The following ERBB4 variants were observed in gnomAD, a reference collection of about 807,000 sequenced individuals.
The protein encoded by ERBB4 is erb-b2 receptor tyrosine kinase 4.
Under a neutral mutation model 158.0 loss-of-function variants are expected in ERBB4, and 42 were observed. That is an observed-to-expected ratio of 0.27 (90% CI 0.21 to 0.34). The LOEUF is 0.34. Ranked by LOEUF, ERBB4 falls within the 10% of genes least tolerant of loss-of-function variation. The probability of loss-of-function intolerance (pLI) is 1.00; values close to 1 mark genes in which losing one functional copy is unlikely to be tolerated. For synonymous variants in ERBB4, 583 were observed against 558.7 expected, an observed-to-expected ratio of 1.04 and a Z score of -0.61; for missense variants, 1,333 against 1,624.1, an observed-to-expected ratio of 0.82 and a Z score of 3.08.
chr2:211,520,391 A>T (rs1208766122), intron 20 of ERBB4, among the ~76,000 whole-genome samples: 1 of 152,138 alleles, frequency 6.6e-6, no homozygotes, highest in Non-Finnish European at 1.5e-5. Flanking sequence ...TAAAGAAGAG[A>T]TTATGTAAAA....
At chr2:211,649,071 T>G (rs901811926) in intron 16 of ERBB4, among the ~76,000 whole-genome samples, 1 of 151,922 alleles carries the variant, frequency 6.6e-6, no homozygotes, top group Non-Finnish European at 1.5e-5. Context: ...AAAGTTACAT[T>G]ATCTACAATT....
At position 211,676,071 on chromosome 2, in the gene ERBB4, G is replaced by A. The variant is rs6705988; in HGVS notation, c.1623-2814C>T. 4.3e-4 allele frequency among the ~76,000 whole-genome samples: 65 copies of A among 151,858 alleles called. No individual in the cohort carries two copies. In the East Asian group the frequency reaches 0.011, roughly 26 times the overall value. On this transcript the variant is annotated intron_variant, in intron 13 of 27. Transcript: ENST00000342788. ...AAAACCAATTTAGAATGATGAGATC[G>A]TTTGCCCAAGTTTGGATGTTTCAAC...
At position 211,789,754 on chromosome 2, in the gene ERBB4, C is replaced by T. The variant is rs1163570648; in HGVS notation, c.422-1595G>A. 2.6e-5 allele frequency among the ~76,000 whole-genome samples: 4 copies of T among 152,158 alleles called. No homozygotes were observed. In the East Asian group the frequency reaches 7.8e-4, roughly 29 times the overall value. ...AGAAATTCATCTCTCTTGTGTGGAA[C>T]CCCAAGCTAAGTTTGTAGGAGTCAT... On this transcript the variant is annotated intron_variant, in intron 3 of 27. Coordinates refer to ENST00000342788, the MANE Select transcript of ERBB4 (RefSeq NM_005235.3).
At chr2:212,345,211 AGCCCAGATTGT>A (rs2088929747) in intron 1 of ERBB4, among the ~76,000 whole-genome samples, 1 of 135,362 alleles carries the variant, frequency 7.4e-6, no homozygotes, top group Non-Finnish European at 1.6e-5. Context: ...GCTTGCAGTG[AGCCCAGATTGT>A]GCCACTGCCC....
At chr2:212,242,623 A>T (rs1284019227) in intron 1 of ERBB4, among the ~76,000 whole-genome samples, 1 of 152,172 alleles carries the variant, frequency 6.6e-6, no homozygotes, top group African/African-American at 2.4e-5. Flanking sequence ...ATTTAAAATA[A>T]CACAGAGATA....
Position 211,982,392 on chromosome 2 carries a change from A to T in ERBB4, c.235-34776T>A, listed in dbSNP as rs544244443. On this transcript the variant is annotated intron_variant, in intron 2 of 27. Coordinates refer to ENST00000342788, the MANE Select transcript of ERBB4 (RefSeq NM_005235.3). ...ACAGAGACCTGTAGAAAACAAAAAAACAAAAAGTACAGGAAGAAATGTTCC... is the reference window on the plus strand; with the variant it reads ...ACAGAGACCTGTAGAAAACAAAAAATCAAAAAGTACAGGAAGAAATGTTCC... Among the ~76,000 whole-genome samples the T allele has an allele frequency of 7.5e-4, 115 of 152,322 alleles. 1 individual carries two copies. Among genetic ancestry groups the T allele is most frequent in the African/African-American group, 2.7e-3 (111 of 41,568 alleles).
intron 20 of ERBB4, among the ~76,000 whole-genome samples, chr2:211,437,352 T>C (rs900517753): frequency 3.9e-5 from 6 of 152,230 alleles, no homozygotes; most frequent in Admixed American, 2.6e-4. Flanking sequence ...AGGAAAATTG[T>C]ATTAGAATTG....
At chr2:211,487,695 C>A (rs1367963085) in intron 20 of ERBB4, among the ~76,000 whole-genome samples, 1 of 150,410 alleles carries the variant, frequency 6.6e-6, no homozygotes, top group Non-Finnish European at 1.5e-5. Flanking sequence ...AGCTGGATAT[C>A]ATAAAAGGAG....
At chr2:212,066,137 C>G (rs996916236) in intron 2 of ERBB4, among the ~76,000 whole-genome samples, 1 of 151,774 alleles carries the variant, frequency 6.6e-6, no homozygotes, top group African/African-American at 2.4e-5. Flanking sequence ...GATTAGGCCT[C>G]GAAAGACTCT....
intron 1 of ERBB4, among the ~76,000 whole-genome samples, chr2:212,368,740 T>G (rs1334940128): frequency 6.6e-6 from 1 of 152,140 alleles, no homozygotes; most frequent in Non-Finnish European, 1.5e-5. Context: ...CACCACTCTT[T>G]TTTCCCATGC....
intron 20 of ERBB4, among the ~76,000 whole-genome samples, chr2:211,499,578 T>C (rs1412539775): frequency 3.3e-5 from 5 of 152,008 alleles, no homozygotes; most frequent in African/African-American, 4.8e-5. Context: ...AACTGTGACT[T>C]ACAGATCTTA....
At chr2:212,339,915 C>T (rs185343298) in intron 1 of ERBB4, among the ~76,000 whole-genome samples, 70 of 152,120 alleles carry the variant, frequency 4.6e-4, no homozygotes, top group African/African-American at 1.4e-3. Flanking sequence ...CCCACAGTTA[C>T]GATATACATT....
At chr2:211,871,556 G>A (rs766292742) in intron 3 of ERBB4, among the ~76,000 whole-genome samples, 1 of 150,796 alleles carries the variant, frequency 6.6e-6, no homozygotes, top group South Asian at 2.1e-4. Context: ...CTTTATTGTG[G>A]GACATTTTTA....
At chr2:211,841,258 C>G (rs528164680) in intron 3 of ERBB4, among the ~76,000 whole-genome samples, 2 of 152,138 alleles carry the variant, frequency 1.3e-5, no homozygotes, top group Admixed American at 6.6e-5. Context: ...TGTTTACAGA[C>G]AAAGGATTTC....
chr2:211,749,808 T>C (rs2106207118), intron 5 of ERBB4, among the ~76,000 whole-genome samples: 1 of 152,322 alleles, frequency 6.6e-6, no homozygotes, highest in Admixed American at 6.5e-5. Flanking sequence ...TTCTGTATCA[T>C]CTATGATAAC....
At chr2:211,438,728 A>G (rs915992603) in intron 20 of ERBB4, among the ~76,000 whole-genome samples, 8 of 152,044 alleles carry the variant, frequency 5.3e-5, no homozygotes, top group African/African-American at 1.9e-4. Context: ...TGTTCTTCCT[A>G]TTATTCTATT....
At chr2:211,610,986 T>G (rs2125831780) in intron 19 of ERBB4, among the ~76,000 whole-genome samples, 1 of 152,196 alleles carries the variant, frequency 6.6e-6, no homozygotes, top group Non-Finnish European at 1.5e-5. Flanking sequence ...AATGCAAAAC[T>G]TGTCAAGCAC....
intron 1 of ERBB4, among the ~76,000 whole-genome samples, chr2:212,451,356 A>AAC (rs2092443439): frequency 6.6e-6 from 1 of 152,218 alleles, no homozygotes; most frequent in Non-Finnish European, 1.5e-5. Context: ...ACTACTTGTT[A>AAC]AGACCATTTG....
chr2:212,530,454 G>A (rs914718232), intron 1 of ERBB4, among the ~76,000 whole-genome samples: 2 of 152,120 alleles, frequency 1.3e-5, no homozygotes, highest in African/African-American at 4.8e-5. Flanking sequence ...AGGAAATAAT[G>A]ACAAAGATTT....
Sources: gnomAD v4.1 joint callset for allele counts (sites outside exome capture counted in the v4.1 genomes callset) on GRCh38, gnomAD v4.1.1 for gene constraint, MANE v1.5 for transcripts, NCBI Gene and HGNC (gene_info 2026-07-23, HGNC 2026-07-21) for gene names.